The following SPIDR variants were observed in gnomAD, a reference collection of about 807,000 sequenced individuals.
The protein encoded by SPIDR is DNA repair-scaffolding protein.
SPIDR carries 93 observed loss-of-function variants against 104.6 expected under a neutral mutation model. That is an observed-to-expected ratio of 0.89 (90% CI 0.75 to 1.06). The LOEUF is 1.06. Ranked by LOEUF, SPIDR falls within the 50% of genes least tolerant of loss-of-function variation. The probability of loss-of-function intolerance (pLI) is 0.00; values close to 1 mark genes in which losing one functional copy is unlikely to be tolerated. For missense variants in SPIDR, 1,154 were observed against 1,111.2 expected (o/e 1.04, Z -0.55); for synonymous variants, 431 against 416.9 (o/e 1.03, Z -0.41).
intron 11 of SPIDR, among the ~76,000 whole-genome samples, chr8:47,696,952 C>G (rs902386145): frequency 6.6e-6 from 1 of 152,170 alleles, no homozygotes; most frequent in African/African-American, 2.4e-5. Flanking sequence ...TGTGCAGGCT[C>G]AGCCCTGGAG....
chr8:47,457,342 A>T (rs949517714), intron 8 of SPIDR, among the ~76,000 whole-genome samples: 4 of 152,004 alleles, frequency 2.6e-5, no homozygotes, highest in Admixed American at 2.6e-4. Flanking sequence ...GTTGACTTCC[A>T]TTTCCGTGAT....
chr8:47,576,705 A>T (rs975569822), intron 8 of SPIDR, among the ~76,000 whole-genome samples: 2 of 152,254 alleles, frequency 1.3e-5, no homozygotes, highest in Non-Finnish European at 2.9e-5. Flanking sequence ...AAGTGCTGGG[A>T]TTACAGGCAT....
In SPIDR at chr8:47,735,323, G is replaced by C; in HGVS notation, c.2621G>C (p.Ser874Thr). The change falls in exon 20 of 20, where the codon AGT (serine) becomes ACT (threonine). Residue 874 changes from serine to threonine, a missense_variant. Transcript: ENST00000297423. ...TCACTGCAGAGCTACGAAGTGAAGA[G>C]TGTCCTCGGAAAGGAAGTGGGGTTG... ...AGEDGSYEVKSVLGKEVGLLN... is the reference protein window; with the variant it reads ...AGEDGSYEVKTVLGKEVGLLN... 1.9e-6 allele frequency: 3 copies of C among 1,613,962 alleles called. No homozygotes were observed. The highest frequency in any genetic ancestry group is 2.5e-6 in the Non-Finnish European group (3 of 1,179,974).
At chr8:47,622,232 G>A (rs1237540854) in intron 10 of SPIDR, among the ~76,000 whole-genome samples, 1 of 152,142 alleles carries the variant, frequency 6.6e-6, no homozygotes, top group South Asian at 2.1e-4. Flanking sequence ...AGGATTTGAG[G>A]AGTAAGGAAA....
chr8:47,538,514 A>G (rs1218622376), intron 8 of SPIDR, among the ~76,000 whole-genome samples: 1 of 152,158 alleles, frequency 6.6e-6, no homozygotes, highest in Non-Finnish European at 1.5e-5. Flanking sequence ...ACTGCACCCC[A>G]ACCTAGACAA....
At chr8:47,722,997 C>G (rs2083624197) in intron 16 of SPIDR, among the ~76,000 whole-genome samples, 1 of 152,090 alleles carries the variant, frequency 6.6e-6, no homozygotes, top group Admixed American at 6.6e-5. Flanking sequence ...GCACACACCA[C>G]CATGCCCAGT....
intron 8 of SPIDR, among the ~76,000 whole-genome samples, chr8:47,574,757 AGAGGGGAGGG>A (rs535667480): frequency 7.0e-6 from 1 of 142,928 alleles, no homozygotes; most frequent in African/African-American, 2.5e-5. Context: ...TGAGAAGAGG[AGAGGGGAGGG>A]GAGGGGAGGG....
chr8:47,346,877 A>G (rs1394442937), intron 5 of SPIDR, among the ~76,000 whole-genome samples: 1 of 151,458 alleles, frequency 6.6e-6, no homozygotes, highest in Admixed American at 6.6e-5. Flanking sequence ...CTAGTGGTCT[A>G]TTTTGCTGAT....
chr8:47,485,114 T>C (rs2077380042), intron 8 of SPIDR, among the ~76,000 whole-genome samples: 1 of 152,188 alleles, frequency 6.6e-6, no homozygotes, highest in African/African-American at 2.4e-5. Flanking sequence ...GAAGCTGTGA[T>C]AGACGACGCC....
chr8:47,301,322 T>C (rs1273774450), intron 5 of SPIDR, among the ~76,000 whole-genome samples: 1 of 152,178 alleles, frequency 6.6e-6, no homozygotes, highest in East Asian at 1.9e-4. Context: ...ATCCTTTATT[T>C]TGAGCCTATG....
At position 47,540,333 on chromosome 8, in the gene SPIDR, A is replaced by G. The variant is rs547893904; in HGVS notation, c.1098-55478A>G. The stretch of plus-strand genomic sequence containing the variant: ...GAATTTGCTAACTTTTTATATTCAA[A>G]TAAGTGAAAAAGAAAGTAAAATTGG... On this transcript the variant is annotated intron_variant, in intron 8 of 19. Transcript: ENST00000297423. Among the ~76,000 whole-genome samples, 161 of 152,348 alleles carry G rather than the reference A, an allele frequency of 1.1e-3. 3 individuals are homozygous for G. The highest frequency in any genetic ancestry group is 1.7e-3 in the African/African-American group (70 of 41,584).
intron 8 of SPIDR, among the ~76,000 whole-genome samples, chr8:47,554,527 C>T (rs764571200): frequency 1.4e-4 from 21 of 152,196 alleles, no homozygotes; most frequent in Non-Finnish European, 2.9e-4. Context: ...AGCTAGGCTC[C>T]GTGGGCATGG....
chr8:47,624,263 A>C (rs1434163606), intron 10 of SPIDR, among the ~76,000 whole-genome samples: 2 of 152,368 alleles, frequency 1.3e-5, no homozygotes, highest in African/African-American at 2.4e-5. Context: ...TGATAGCACT[A>C]AATGCCCACA....
intron 6 of SPIDR, among the ~76,000 whole-genome samples, chr8:47,401,503 G>T (rs1554662828): frequency 6.6e-6 from 1 of 152,014 alleles, no homozygotes; most frequent in Non-Finnish European, 1.5e-5. Context: ...AAATATAAAT[G>T]GGCCAAACTC....
intron 10 of SPIDR, among the ~76,000 whole-genome samples, chr8:47,644,249 A>G (rs1301699263): frequency 6.6e-6 from 1 of 152,176 alleles, no homozygotes; most frequent in African/African-American, 2.4e-5. Flanking sequence ...CCATCCCTTT[A>G]CTTGCATACC....
At chr8:47,672,218 A>G (rs957302744) in intron 10 of SPIDR, among the ~76,000 whole-genome samples, 3 of 152,182 alleles carry the variant, frequency 2.0e-5, no homozygotes, top group Admixed American at 6.5e-5. Context: ...ACCTTGGCCT[A>G]CCAAAGTGCT....
At chr8:47,604,601 C>T (rs1275271254) in intron 10 of SPIDR, among the ~76,000 whole-genome samples, 1 of 152,134 alleles carries the variant, frequency 6.6e-6, no homozygotes, top group African/African-American at 2.4e-5. Context: ...AGAAAAGATC[C>T]GTGGTCTAGA....
intron 8 of SPIDR, among the ~76,000 whole-genome samples, chr8:47,516,726 A>C (rs968228288): frequency 1.3e-5 from 2 of 152,132 alleles, no homozygotes; most frequent in African/African-American, 4.8e-5. Flanking sequence ...TGTGTGAATA[A>C]TGCTTCTGTG....
chr8:47,357,516 G>A (rs539430122), intron 5 of SPIDR, among the ~76,000 whole-genome samples: 1 of 152,244 alleles, frequency 6.6e-6, no homozygotes, highest in South Asian at 2.1e-4. Context: ...GAAGAAATTC[G>A]CTCAAATCAA....
Sources: gnomAD v4.1 joint callset for allele counts (sites outside exome capture counted in the v4.1 genomes callset) on GRCh38, gnomAD v4.1.1 for gene constraint, MANE v1.5 for transcripts, NCBI Gene and HGNC (gene_info 2026-07-23, HGNC 2026-07-21) for gene names.